Variants in EPB41L4A observed in about 807,000 individuals in gnomAD.
The protein encoded by EPB41L4A is band 4.1-like protein 4A.
Under a neutral mutation model 108.6 loss-of-function variants are expected in EPB41L4A, and 100 were observed. The observed-to-expected ratio is 0.92, with a 90% CI of 0.78 to 1.09. EPB41L4A has a LOEUF of 1.09. Among genes scored for constraint, EPB41L4A ranks in the 50% least tolerant of loss-of-function variants. The probability of loss-of-function intolerance (pLI) is 0.00; values close to 1 mark genes in which losing one functional copy is unlikely to be tolerated. For synonymous variants in EPB41L4A, 319 were observed against 289.0 expected (o/e 1.10, Z -1.05); for missense variants, 1,030 against 842.7 (o/e 1.22, Z -2.75).
At chr5:112,153,302 G>A (rs1305493574) in intron 12 of EPB41L4A, among the ~76,000 whole-genome samples, 3 of 152,000 alleles carry the variant, frequency 2.0e-5, no homozygotes, top group Non-Finnish European at 4.4e-5. Flanking sequence ...AAGGCGGGCG[G>A]ATCACGAGGT....
rs747642945 is a variant in EPB41L4A, at chr5:112,266,273, G to A, written c.393C>T (p.Pro131=). 28 of 1,610,930 alleles carry A rather than the reference G, an allele frequency of 1.7e-5. No homozygotes were observed. The highest frequency in any genetic ancestry group is 9.4e-5 in the African/African-American group (7 of 74,844). The change falls in exon 5 of 23, where the codon CCC becomes CCT. Residue 131 remains proline, a synonymous_variant. Transcript: ENST00000261486. ...CTCCCAGCTGAGCAGCAGTGTTGACGGGACAGGGCAGACGGCCCTGAAGGA... is the reference window on the plus strand; with the variant it reads ...CTCCCAGCTGAGCAGCAGTGTTGACAGGACAGGGCAGACGGCCCTGAAGGA... ...QDVLQGRLPC[P]VNTAAQLGAY...
At chr5:112,284,612 G>C in intron 2 of EPB41L4A, among the ~76,000 whole-genome samples, 1 of 152,148 alleles carries the variant, frequency 6.6e-6, no homozygotes, top group Non-Finnish European at 1.5e-5. Flanking sequence ...CATTTTGTAG[G>C]AAGGTAACAA....
At chr5:112,269,957 G>T (rs1330886335) in intron 4 of EPB41L4A, among the ~76,000 whole-genome samples, 1 of 152,242 alleles carries the variant, frequency 6.6e-6, no homozygotes, top group South Asian at 2.1e-4. Context: ...ACCACCACCA[G>T]CACAACACGA....
intron 9 of EPB41L4A, among the ~76,000 whole-genome samples, chr5:112,252,784 C>T (rs1053240935): frequency 2.0e-5 from 3 of 151,690 alleles, no homozygotes; most frequent in Admixed American, 1.3e-4. Flanking sequence ...CAAGCCTCAC[C>T]GTCACACAAT....
chr5:112,235,231 C>T (rs1189304963), intron 11 of EPB41L4A, among the ~76,000 whole-genome samples: 3 of 152,144 alleles, frequency 2.0e-5, no homozygotes, highest in African/African-American at 7.2e-5. Flanking sequence ...CTATGCCCAC[C>T]CTGCCTGGGC....
chr5:112,285,780 A>G (rs1200320941), intron 2 of EPB41L4A, among the ~76,000 whole-genome samples: 1 of 152,168 alleles, frequency 6.6e-6, no homozygotes, highest in South Asian at 2.1e-4. Context: ...CAGAAATGCA[A>G]TAATAACAGC....
At chr5:112,310,431 T>C (rs1754974025) in intron 1 of EPB41L4A, among the ~76,000 whole-genome samples, 1 of 152,210 alleles carries the variant, frequency 6.6e-6, no homozygotes, top group African/African-American at 2.4e-5. Flanking sequence ...TAACTAGTAG[T>C]TTTGAGAACA....
At chr5:112,302,917 T>C (rs1290093205) in intron 2 of EPB41L4A, among the ~76,000 whole-genome samples, 1 of 152,172 alleles carries the variant, frequency 6.6e-6, no homozygotes, top group African/African-American at 2.4e-5. Flanking sequence ...CATCATTGTT[T>C]CCCAGATACC....
intron 10 of EPB41L4A, among the ~76,000 whole-genome samples, chr5:112,240,286 A>G (rs987404977): frequency 8.5e-5 from 13 of 152,110 alleles, no homozygotes; most frequent in Non-Finnish European, 1.8e-4. Context: ...GTAAATAACT[A>G]CTTAAGTGAC....
chr5:112,359,876 C>A (rs536684191), intron 1 of EPB41L4A, among the ~76,000 whole-genome samples: 1 of 152,286 alleles, frequency 6.6e-6, no homozygotes, highest in African/African-American at 2.4e-5. Context: ...GGTAAGTTAT[C>A]TATTACTTTA....
chr5:112,326,385 A>G (rs112489434), intron 1 of EPB41L4A, among the ~76,000 whole-genome samples: 1 of 152,238 alleles, frequency 6.6e-6, no homozygotes, highest in Non-Finnish European at 1.5e-5. Context: ...CTTTTTGTCA[A>G]ACTGGGCCCT....
intron 9 of EPB41L4A, among the ~76,000 whole-genome samples, chr5:112,249,813 CAGA>C (rs1433741855): frequency 6.6e-6 from 1 of 152,112 alleles, no homozygotes; most frequent in Non-Finnish European, 1.5e-5. Flanking sequence ...GTTCTTTGCT[CAGA>C]TAAGTATGGG....
intron 17 of EPB41L4A, among the ~76,000 whole-genome samples, chr5:112,190,035 G>T (rs557938620): frequency 1.3e-4 from 20 of 152,064 alleles, no homozygotes; most frequent in Non-Finnish European, 2.8e-4. Flanking sequence ...GCGAGCTGCT[G>T]GCCCTTCTGA....
At chr5:112,231,674 A>G (rs1209336247) in intron 12 of EPB41L4A, among the ~76,000 whole-genome samples, 1 of 149,916 alleles carries the variant, frequency 6.7e-6, no homozygotes, top group Non-Finnish European at 1.5e-5. Flanking sequence ...AGTCCCAGCT[A>G]CTCGGGAGGC....
intron 1 of EPB41L4A, among the ~76,000 whole-genome samples, chr5:112,313,884 G>A (rs558543675): frequency 1.2e-3 from 107 of 87,286 alleles, no homozygotes; most frequent in Non-Finnish European, 1.7e-3. Flanking sequence ...TTTTTTTTGA[G>A]ATGGAGTCTC....
At chr5:112,326,093 T>G (rs1426027843) in intron 1 of EPB41L4A, among the ~76,000 whole-genome samples, 1 of 152,026 alleles carries the variant, frequency 6.6e-6, no homozygotes, top group East Asian at 1.9e-4. Flanking sequence ...AAGGCTAGAG[T>G]AAGCTATGAT....
chr5:112,198,908 C>T (rs1197357526), intron 15 of EPB41L4A, among the ~76,000 whole-genome samples: 2 of 151,946 alleles, frequency 1.3e-5, no homozygotes, highest in African/African-American at 4.8e-5. Flanking sequence ...TGTGAGAATG[C>T]CCCCAACCCC....
chr5:112,410,168 GA>G lies in EPB41L4A; in HGVS notation c.99+8772del, dbSNP rs547240929. Reference sequence around the variant, plus strand: ...GGGCTTTCTACACACAGAAAAAGGTGAGAGGGAATGTGGAAAATTCAGAGAC... The same window carrying G: ...GGGCTTTCTACACACAGAAAAAGGTGGAGGGAATGTGGAAAATTCAGAGAC... On this transcript the variant is annotated intron_variant, in intron 1 of 22. Transcript: ENST00000261486. Among the ~76,000 whole-genome samples, 9 of 152,290 alleles carry G rather than the reference GA, an allele frequency of 5.9e-5. No homozygotes were observed. In the East Asian group the frequency reaches 1.7e-3, roughly 29 times the overall value.
intron 11 of EPB41L4A, 150 bp from the exon 12 acceptor site, chr5:112,234,905 C>A: frequency 1.3e-6 from 1 of 786,880 alleles, no homozygotes; most frequent in Non-Finnish European, 1.9e-6. Flanking sequence ...CAATATTGAT[C>A]AAGGGAGTGG....
Sources: allele counts gnomAD v4.1 joint callset (sites outside exome capture counted in the v4.1 genomes callset), GRCh38; gene constraint gnomAD v4.1.1; transcripts MANE v1.5; gene names NCBI Gene and HGNC (gene_info 2026-07-23, HGNC 2026-07-21).